Variants in TTLL11 observed in about 807,000 individuals in gnomAD.
The protein encoded by TTLL11 is tubulin polyglutamylase TTLL11.
A neutral mutation model predicts 51.7 loss-of-function variants in TTLL11; 42 were observed. The observed-to-expected ratio is 0.81, with a 90% confidence interval of 0.64 to 1.05. TTLL11 has a LOEUF of 1.05. Ranked by LOEUF, TTLL11 falls within the 50% of genes least tolerant of loss-of-function variation. TTLL11 has a pLI of 0.00. For missense variants in TTLL11, 799 were observed against 940.4 expected (o/e 0.85, Z 1.97); for synonymous variants, 381 against 383.5 (o/e 0.99, Z 0.08).
chr9:121,954,678 G>GCGCACA (rs1554773860), intron 6 of TTLL11, among the ~76,000 whole-genome samples: 6 of 149,302 alleles, frequency 4.0e-5, no homozygotes, highest in African/African-American at 1.5e-4. Context: ...ACACACAGAC[G>GCGCACA]CACACACACA....
At chr9:121,927,908 T>C (rs7025547) in intron 6 of TTLL11, among the ~76,000 whole-genome samples, 11,741 of 152,238 alleles carry the variant, frequency 0.077, 661 homozygotes, top group African/African-American at 0.16. Flanking sequence ...ACATGTTATT[T>C]GGTTTGGATC....
chr9:121,919,304 GAA>G (rs1418810192), intron 6 of TTLL11, among the ~76,000 whole-genome samples: 5 of 152,090 alleles, frequency 3.3e-5, no homozygotes, highest in Middle Eastern at 6.3e-3. Flanking sequence ...AAATACTTGA[GAA>G]TATGGATTTT....
At chr9:122,067,229 G>A (rs1393082245) in intron 1 of TTLL11, among the ~76,000 whole-genome samples, 1 of 152,132 alleles carries the variant, frequency 6.6e-6, no homozygotes, top group Non-Finnish European at 1.5e-5. Context: ...GGATTTGTAA[G>A]AATTAATAAA....
chr9:122,042,146 C>T (rs1454031351), intron 1 of TTLL11, among the ~76,000 whole-genome samples: 2 of 152,064 alleles, frequency 1.3e-5, no homozygotes, highest in Non-Finnish European at 2.9e-5. Context: ...CCCCGAGTGG[C>T]TGGGATTACT....
chr9:121,864,545 T>A (rs750843125), intron 7 of TTLL11, among the ~76,000 whole-genome samples: 2 of 152,216 alleles, frequency 1.3e-5, no homozygotes, highest in African/African-American at 2.4e-5. Context: ...GGAAGCTCTC[T>A]GCGTCTACAT....
rs901234706 is a variant in TTLL11 at position 121,946,674 on chromosome 9, G to A, written c.1481+27335C>T. ...GCATGCTCACTACCCACAAGTGTCC[G>A]TCAGGACCAGTGGTCCTCAAACGTG... On this transcript the variant is annotated intron_variant, in intron 6 of 8. Coordinates refer to ENST00000321582, the MANE Select transcript of TTLL11 (RefSeq NM_001139442.2). 6.6e-5 allele frequency among the ~76,000 whole-genome samples: 10 copies of A among 152,296 alleles called. No homozygotes were observed. In the South Asian group the frequency reaches 1.0e-3, roughly 16 times the overall value.
intron 3 of TTLL11, among the ~76,000 whole-genome samples, chr9:121,996,423 C>G (rs1207528867): frequency 6.6e-6 from 1 of 152,156 alleles, no homozygotes; most frequent in Non-Finnish European, 1.5e-5. Context: ...ATGACCAGCC[C>G]TTTGAGGTCC....
At chr9:121,947,515 G>A (rs1295482460) in intron 6 of TTLL11, among the ~76,000 whole-genome samples, 1 of 152,142 alleles carries the variant, frequency 6.6e-6, no homozygotes, top group East Asian at 1.9e-4. Flanking sequence ...ATGCCACATG[G>A]GTACAGATGC....
chr9:122,038,843 G>C (rs1410960275), intron 2 of TTLL11, among the ~76,000 whole-genome samples: 1 of 152,132 alleles, frequency 6.6e-6, no homozygotes, highest in Non-Finnish European at 1.5e-5. Context: ...ACTTAATATG[G>C]AGACCAGTAT....
At chr9:121,954,546 G>A (rs760669345) in intron 6 of TTLL11, among the ~76,000 whole-genome samples, 39 of 152,154 alleles carry the variant, frequency 2.6e-4, no homozygotes, top group Non-Finnish European at 4.7e-4. Flanking sequence ...AGTAATTAGC[G>A]TTCATAACCA....
chr9:121,856,601 C>T (rs1837827908), intron 8 of TTLL11, among the ~76,000 whole-genome samples: 1 of 152,136 alleles, frequency 6.6e-6, no homozygotes, highest in Non-Finnish European at 1.5e-5. Flanking sequence ...TATATCCCTG[C>T]AGGGCACAAT....
At chr9:121,879,917 G>A (rs1033281811) in intron 6 of TTLL11, among the ~76,000 whole-genome samples, 1 of 152,068 alleles carries the variant, frequency 6.6e-6, no homozygotes, top group African/African-American at 2.4e-5. Flanking sequence ...TGAGCCGTGA[G>A]CTGTGCCACT....
At chr9:121,873,028 G>A (rs1021695248) in intron 6 of TTLL11, among the ~76,000 whole-genome samples, 7 of 152,182 alleles carry the variant, frequency 4.6e-5, no homozygotes, top group African/African-American at 1.2e-4. Context: ...CACTTTTACC[G>A]GAAATTAGCC....
intron 1 of TTLL11, among the ~76,000 whole-genome samples, chr9:122,043,292 A>G (rs1451245173): frequency 6.6e-6 from 1 of 152,116 alleles, no homozygotes; most frequent in Non-Finnish European, 1.5e-5. Flanking sequence ...GCATAAAGAC[A>G]GATATAGAGG....
chr9:121,946,722 T>G (rs7031114), intron 6 of TTLL11, among the ~76,000 whole-genome samples: 138,691 of 152,134 alleles, frequency 0.91, 63,687 homozygotes, highest in Non-Finnish European at 0.97. Flanking sequence ...GAATCACTGG[T>G]GTTTCAAAGA....
intron 1 of TTLL11, among the ~76,000 whole-genome samples, chr9:122,043,610 T>C (rs1392675277): frequency 6.6e-6 from 1 of 151,998 alleles, no homozygotes; most frequent in Non-Finnish European, 1.5e-5. Context: ...ACTAGAAATA[T>C]AGAAAACATA....
intron 6 of TTLL11, among the ~76,000 whole-genome samples, chr9:121,935,547 G>GT (rs1841173843): frequency 6.6e-6 from 1 of 152,164 alleles, no homozygotes; most frequent in Non-Finnish European, 1.5e-5. Flanking sequence ...CCACTGAAGT[G>GT]TTTTTAGCAG....
chr9:121,907,321 A>G (rs1839981238), intron 6 of TTLL11, among the ~76,000 whole-genome samples: 1 of 151,964 alleles, frequency 6.6e-6, no homozygotes, highest in African/African-American at 2.4e-5. Flanking sequence ...GTGATGGTGC[A>G]TGCCTGTAAT....
chr9:122,070,307 T>C (rs1242989690), intron 1 of TTLL11, among the ~76,000 whole-genome samples: 1 of 152,026 alleles, frequency 6.6e-6, no homozygotes, highest in African/African-American at 2.4e-5. Context: ...GAGCAAAGGT[T>C]GGTGGCACAA....
Sources: gnomAD v4.1 joint callset for allele counts (sites outside exome capture counted in the v4.1 genomes callset) on GRCh38, gnomAD v4.1.1 for gene constraint, MANE v1.5 for transcripts, NCBI Gene and HGNC (gene_info 2026-07-23, HGNC 2026-07-21) for gene names.